The following STX6 variants were observed in gnomAD, a reference collection of about 807,000 sequenced individuals.
STX6 encodes syntaxin-6.
STX6 carries 23 observed loss-of-function variants against 38.0 expected under a neutral mutation model. The observed-to-expected ratio is 0.60, with a 90% CI of 0.43 to 0.86. The LOEUF is 0.86. STX6 is among the 40% of genes least tolerant of loss of function. The pLI is 0.00. For missense variants in STX6, 274 were observed against 312.9 expected, an observed-to-expected ratio of 0.88 and a Z score of 0.94; for synonymous variants, 123 against 107.5, an observed-to-expected ratio of 1.14 and a Z score of -0.89.
chr1:180,999,074 C>T (rs1359618477), intron 3 of STX6, among the ~76,000 whole-genome samples: 2 of 152,164 alleles, frequency 1.3e-5, no homozygotes, highest in Non-Finnish European at 2.9e-5. Flanking sequence ...TTTTGATTAA[C>T]CAAAGCCATT....
chr1:180,998,391 TC>T (rs1159515041), intron 3 of STX6, among the ~76,000 whole-genome samples: 1 of 152,056 alleles, frequency 6.6e-6, no homozygotes, highest in Non-Finnish European at 1.5e-5. Context: ...CTTTTTTTTT[TC>T]TTTTTTCTTT....
intron 3 of STX6, among the ~76,000 whole-genome samples, chr1:180,995,713 A>C (rs1464406968): frequency 6.6e-6 from 1 of 152,258 alleles, no homozygotes; most frequent in African/African-American, 2.4e-5. Context: ...AAATAAAAAT[A>C]TAGTCAGTGC....
chr1:180,990,123 A>C lies in STX6; in HGVS notation c.364-14T>G. The C allele has an allele frequency of 3.1e-6, 5 of 1,614,102 alleles. No individual in the cohort carries two copies. Among genetic ancestry groups the C allele is most frequent in the Non-Finnish European group, 4.2e-6 (5 of 1,179,980 alleles). On this transcript the variant is annotated splice_polypyrimidine_tract_variant and intron_variant, in intron 4 of 7. Coordinates refer to ENST00000258301, the MANE Select transcript of STX6 (RefSeq NM_005819.6). ...TCCCAGCAGTGCCTGTGTGAGAAGA[A>C]CAACCAGAGGAGTCAGGAGAAACAA...
chr1:181,019,849 T>C (rs144684332), intron 1 of STX6, among the ~76,000 whole-genome samples: 7 of 152,292 alleles, frequency 4.6e-5, no homozygotes, highest in Admixed American at 1.3e-4. Flanking sequence ...AAAAACCTTT[T>C]ATGTATGTTT....
chr1:180,979,886 C>T (rs1424982598), intron 7 of STX6, among the ~76,000 whole-genome samples: 1 of 152,026 alleles, frequency 6.6e-6, no homozygotes, highest in Non-Finnish European at 1.5e-5. Flanking sequence ...TAAAAATGGG[C>T]AAAAGACCTG....
chr1:181,013,126 C>T (rs1035544155), intron 1 of STX6, among the ~76,000 whole-genome samples: 6 of 148,588 alleles, frequency 4.0e-5, no homozygotes, highest in African/African-American at 1.2e-4. Flanking sequence ...CCTCTGGGGC[C>T]ACAAGTAATA....
chr1:181,020,545 C>T (rs770977173), intron 1 of STX6, among the ~76,000 whole-genome samples: 3 of 152,074 alleles, frequency 2.0e-5, no homozygotes, highest in Non-Finnish European at 4.4e-5. Context: ...GGAAATGAGA[C>T]CAGAAGCAGG....
intron 1 of STX6, among the ~76,000 whole-genome samples, chr1:181,020,234 A>G (rs1656688656): frequency 6.6e-6 from 1 of 152,216 alleles, no homozygotes; most frequent in Non-Finnish European, 1.5e-5. Flanking sequence ...AAATGTATTT[A>G]ATGAACTTTA....
At chr1:181,021,456 A>C (rs1656723829) in intron 1 of STX6, among the ~76,000 whole-genome samples, 1 of 152,218 alleles carries the variant, frequency 6.6e-6, no homozygotes, top group South Asian at 2.1e-4. Context: ...TAATCGATAA[A>C]GTATTTCACC....
chr1:180,992,845 G>A (rs1052541643), intron 4 of STX6, among the ~76,000 whole-genome samples: 38 of 152,184 alleles, frequency 2.5e-4, no homozygotes, highest in African/African-American at 9.2e-4. Flanking sequence ...TTCCTCTAAT[G>A]TCTTTACATC....
At chr1:181,007,711 T>C (rs1160692516) in intron 1 of STX6, among the ~76,000 whole-genome samples, 1 of 152,204 alleles carries the variant, frequency 6.6e-6, no homozygotes, top group Non-Finnish European at 1.5e-5. Context: ...GGAGACTCCT[T>C]TGAACTCTTC....
intron 3 of STX6, among the ~76,000 whole-genome samples, chr1:180,995,535 T>C (rs574470282): frequency 1.2e-4 from 18 of 152,294 alleles, no homozygotes; most frequent in Non-Finnish European, 2.1e-4. Flanking sequence ...CAGAGCAACA[T>C]TCACTAGGGG....
chr1:181,000,895 C>G (rs1316203266), intron 3 of STX6, among the ~76,000 whole-genome samples: 1 of 142,934 alleles, frequency 7.0e-6, no homozygotes, highest in Non-Finnish European at 1.5e-5. Flanking sequence ...AAAAAAAAAG[C>G]TTATACAAAA....
At chr1:180,981,781 C>A (rs1398208963) in intron 7 of STX6, among the ~76,000 whole-genome samples, 1 of 152,208 alleles carries the variant, frequency 6.6e-6, no homozygotes, top group African/African-American at 2.4e-5. Context: ...CAGCAGACTT[C>A]TCAGCACTTC....
chr1:181,022,680 C>T lies in STX6; in HGVS notation c.-7G>A, dbSNP rs1219573474. ...AGGGGTCCTCCATGGACATGGCGTC[C>T]CGGCCCCGGCCGCCTTCACCTCCTC... is the stretch of plus-strand genomic sequence containing the variant. On this transcript the variant is annotated 5_prime_UTR_variant, in exon 1 of 8. Transcript: ENST00000258301. 5 of 1,606,940 alleles carry T rather than the reference C, an allele frequency of 3.1e-6. No homozygotes were observed. Among genetic ancestry groups the T allele is most frequent in the East Asian group, 2.3e-5 (1 of 44,394 alleles).
chr1:180,981,279 C>CTA, intron 7 of STX6, among the ~76,000 whole-genome samples: 1 of 151,928 alleles, frequency 6.6e-6, no homozygotes, highest in East Asian at 1.9e-4. Context: ...GGGAAGGGGG[C>CTA]TATATGGGAA....
intron 1 of STX6, among the ~76,000 whole-genome samples, chr1:181,021,147 G>C (rs554547632): frequency 1.3e-5 from 2 of 152,086 alleles, no homozygotes; most frequent in Non-Finnish European, 2.9e-5. Context: ...AAGAATTTAG[G>C]CTTTTGACAA....
intron 7 of STX6, among the ~76,000 whole-genome samples, chr1:180,983,479 T>A (rs1225675747): frequency 2.6e-5 from 4 of 152,224 alleles, no homozygotes; most frequent in Non-Finnish European, 5.9e-5. Context: ...ATTTCCCATG[T>A]AAAGAGTCAC....
intron 4 of STX6, among the ~76,000 whole-genome samples, chr1:180,992,402 T>G (rs1304537685): frequency 6.6e-6 from 1 of 152,214 alleles, no homozygotes; most frequent in Non-Finnish European, 1.5e-5. Flanking sequence ...TACCCACAGG[T>G]ATGAAGTACT....
Sources: allele counts gnomAD v4.1 joint callset (sites outside exome capture counted in the v4.1 genomes callset), GRCh38; gene constraint gnomAD v4.1.1; transcripts MANE v1.5; gene names NCBI Gene and HGNC (gene_info 2026-07-23, HGNC 2026-07-21).